The following TBC1D1 variants were observed in gnomAD, a reference collection of about 807,000 sequenced individuals.
The protein encoded by TBC1D1 is TBC1 domain family member 1, also known as TBC1 (tre-2/USP6, BUB2, cdc16) domain family, member 1.
In TBC1D1, 89 loss-of-function variants were observed where a neutral mutation model predicts 125.6. The ratio of observed to expected loss-of-function variants is 0.71; its 90% CI spans 0.60 to 0.85. The LOEUF (loss-of-function observed/expected upper bound fraction) is 0.85. Ranked by LOEUF, TBC1D1 falls within the 40% of genes least tolerant of loss-of-function variation. The pLI, the probability that TBC1D1 is intolerant of heterozygous loss-of-function variation, is 0.00. For synonymous variants in TBC1D1, 565 were observed against 564.1 expected (o/e 1.00, Z -0.02); for missense variants, 1,377 against 1,469.2 (o/e 0.94, Z 1.03).
intron 7 of TBC1D1, chr4:38,030,419 A>T (rs998642777): frequency 9.9e-5 from 15 of 152,266 alleles, no homozygotes; most frequent in African/African-American, 3.6e-4. Context: ...GTATTCACCA[A>T]CTTTGAAAAG....
chr4:38,123,261 T>G (rs1672059486), intron 17 of TBC1D1, among the ~76,000 whole-genome samples: 1 of 152,242 alleles, frequency 6.6e-6, no homozygotes, highest in Non-Finnish European at 1.5e-5. Flanking sequence ...ATGCCCTCAT[T>G]TTTTGTTCAG....
intron 2 of TBC1D1, among the ~76,000 whole-genome samples, chr4:37,963,656 C>CA (rs550235423): frequency 1.5e-3 from 226 of 152,134 alleles, no homozygotes; most frequent in African/African-American, 5.3e-3. Flanking sequence ...GATTCCGTGT[C>CA]AAAAAAATAC....
At position 38,096,192 on chromosome 4, in the gene TBC1D1, T is replaced by C. The variant is rs1430028669; in HGVS notation, c.2398+102T>C. 5.6e-6 allele frequency: 5 copies of C among 894,828 alleles called. No homozygotes were observed. The Admixed American group carries it at 1.2e-4, about 21-fold the overall frequency. 55.4% of individuals were successfully genotyped at this position (894,828 alleles called of 1,614,324 possible). On this transcript the variant is annotated intron_variant, in intron 14 of 19. Transcript: ENST00000261439. ...GTCAAGTCTAATTTTAGTGGCCATCTCCCTTCTTTTCATCACATCTTAATC... is the reference window on the plus strand; with the variant it reads ...GTCAAGTCTAATTTTAGTGGCCATCCCCCTTCTTTTCATCACATCTTAATC...
rs140253816 is a variant in TBC1D1 at position 38,054,257 on chromosome 4, C to T, written c.1969C>T (p.Arg657Trp). 2 of 1,614,036 alleles carry T rather than the reference C, an allele frequency of 1.2e-6. No individual in the cohort carries two copies. Among genetic ancestry groups the T allele is most frequent in the African/African-American group, 1.3e-5 (1 of 74,914 alleles). ...TTCTGGTGGGACTCCTGTGAAGACC[C>T]GGAGGCATTCCTGGAGGCAGCAGAT... is the stretch of plus-strand genomic sequence containing the variant. Residue 657 changes from arginine to tryptophan, a missense_variant, in exon 12 of 20, where the codon CGG becomes TGG. Transcript: ENST00000261439.
chr4:38,095,856 G>A (rs1217246561), intron 13 of TBC1D1, 73 bp from the exon 16 acceptor site: 7 of 1,454,936 alleles, frequency 4.8e-6, no homozygotes, highest in Non-Finnish European at 6.5e-6. Context: ...ATAACAAGTA[G>A]GCAGCCATGT....
chr4:37,953,657 G>A (rs544811829), intron 2 of TBC1D1, among the ~76,000 whole-genome samples: 9 of 152,286 alleles, frequency 5.9e-5, no homozygotes, highest in African/African-American at 1.9e-4. Flanking sequence ...AATTGACTAA[G>A]GTTGATGTGT....
rs142646874 is a variant in TBC1D1, at chr4:38,030,737, C to T, written c.1302+2858C>T. ...AATATTTTCCTTTGTTCAGTCTTTC[C>T]TGGAGGGGAATTTGTTTCGGAAAAA... On this transcript the variant is annotated intron_variant, in intron 7 of 19. Coordinates refer to ENST00000261439, the MANE Select transcript of TBC1D1 (RefSeq NM_015173.4). Among the ~76,000 whole-genome samples, 164 of 152,214 alleles carry T rather than the reference C, an allele frequency of 1.1e-3. 1 individual carries two copies. Among genetic ancestry groups the T allele is most frequent in the African/African-American group, 3.8e-3 (158 of 41,536 alleles).
rs2152613757 is a variant in TBC1D1 at position 38,125,008 on chromosome 4, A to G, written c.3009A>G (p.Leu1003=). ...CAGAGGTCATATTTAAAGTGGCTTT[A>G]AGTCTGTTGGGAAGCCATAAGCCCT... The change falls in exon 18 of 20, where the codon TTA becomes TTG. Residue 1003 remains leucine, a synonymous_variant. Transcript: ENST00000261439. 6.2e-7 allele frequency: 1 copy of G among 1,614,122 alleles called. No homozygotes were observed. Among genetic ancestry groups the G allele is most frequent in the South Asian group, 1.1e-5 (1 of 91,074 alleles).
chr4:38,089,000 A>C (rs1393001170), intron 12 of TBC1D1, among the ~76,000 whole-genome samples: 1 of 152,214 alleles, frequency 6.6e-6, no homozygotes, highest in African/African-American at 2.4e-5. Flanking sequence ...ATAAACCCCC[A>C]AAAGATGTAG....
At chr4:38,085,439 T>C (rs141986276) in intron 12 of TBC1D1, among the ~76,000 whole-genome samples, 19 of 152,350 alleles carry the variant, frequency 1.2e-4, no homozygotes, top group African/African-American at 4.6e-4. Context: ...ACTTTATAAA[T>C]ATGCCTGTCA....
chr4:38,082,264 C>A (rs1394583144), intron 12 of TBC1D1, among the ~76,000 whole-genome samples: 2 of 152,142 alleles, frequency 1.3e-5, no homozygotes, highest in Non-Finnish European at 2.9e-5. Flanking sequence ...GGTGGGAAGT[C>A]CCTGGGGAGG....
At chr4:37,909,385 T>C (rs1221931100) in intron 2 of TBC1D1, among the ~76,000 whole-genome samples, 1 of 152,236 alleles carries the variant, frequency 6.6e-6, no homozygotes. Context: ...TTTTGTATTT[T>C]ACCCATTACT....
intron 2 of TBC1D1, chr4:37,960,823 T>C: frequency 6.2e-7 from 1 of 1,614,212 alleles, no homozygotes; most frequent in Non-Finnish European, 8.5e-7. Flanking sequence ...AGTTTTGACC[T>C]GCCTGAAGAG....
At chr4:37,893,200 TTCTG>T (rs1713749998) in intron 1 of TBC1D1, among the ~76,000 whole-genome samples, 1 of 152,134 alleles carries the variant, frequency 6.6e-6, no homozygotes, top group Non-Finnish European at 1.5e-5. Flanking sequence ...CTCAAGAGGA[TTCTG>T]TCTTTGAACA....
chr4:38,086,675 T>C (rs1757534510), intron 12 of TBC1D1, among the ~76,000 whole-genome samples: 1 of 152,052 alleles, frequency 6.6e-6, no homozygotes, highest in Admixed American at 6.6e-5. Flanking sequence ...TTTTCAGTGG[T>C]GGGAGTGAAG....
At chr4:38,028,550 G>A (rs1745522582) in intron 7 of TBC1D1, among the ~76,000 whole-genome samples, 1 of 152,210 alleles carries the variant, frequency 6.6e-6, no homozygotes, top group South Asian at 2.1e-4. Flanking sequence ...GGACATGCTT[G>A]GCTTAAGCTT....
chr4:37,931,516 C>T (rs934712976), intron 2 of TBC1D1, among the ~76,000 whole-genome samples: 3 of 152,056 alleles, frequency 2.0e-5, no homozygotes, highest in East Asian at 1.9e-4. Context: ...CTTGCTCTGT[C>T]GCTCAGGCTA....
Position 37,902,335 on chromosome 4 carries a change from G to A in TBC1D1, c.240G>A (p.Gly80=). 6.2e-7 allele frequency: 1 copy of A among 1,614,218 alleles called. No homozygotes were observed. Among genetic ancestry groups the A allele is most frequent in the East Asian group, 2.2e-5 (1 of 44,886 alleles). The change falls in exon 2 of 20, where the codon GGG becomes GGA. Residue 80 remains glycine, a synonymous_variant. Transcript: ENST00000261439. ...GACTGAGATGTGAACCTGAGCCAGG[G>A]AGAAGTCAACAGTGGGATCCCCTGA...
At chr4:38,109,011 A>C (rs1761795599) in intron 15 of TBC1D1, among the ~76,000 whole-genome samples, 2 of 152,196 alleles carry the variant, frequency 1.3e-5, no homozygotes, top group African/African-American at 4.8e-5. Flanking sequence ...TTTGAGGGGC[A>C]GGTGGAGCTG....
Sources: gnomAD v4.1 joint callset for allele counts (sites outside exome capture counted in the v4.1 genomes callset) on GRCh38, gnomAD v4.1.1 for gene constraint, MANE v1.5 for transcripts, NCBI Gene and HGNC (gene_info 2026-07-23, HGNC 2026-07-21) for gene names.